The following WDR59 variants were observed in gnomAD, a reference collection of about 807,000 sequenced individuals.
The protein encoded by WDR59 is GATOR2 complex protein WDR59.
In WDR59, 100 loss-of-function variants were observed where a neutral mutation model predicts 131.2. The ratio of observed to expected loss-of-function variants is 0.76; its 90% CI spans 0.65 to 0.90. WDR59 has a LOEUF of 0.90. Ranked by LOEUF, WDR59 falls within the 40% of genes least tolerant of loss-of-function variation. The pLI, the probability that WDR59 is intolerant of heterozygous loss-of-function variation, is 0.00. For synonymous variants in WDR59, 601 were observed against 466.2 expected (o/e 1.29, Z -3.72); for missense variants, 1,203 against 1,262.2 (o/e 0.95, Z 0.71).
At chr16:74,945,293 A>C (rs370495341) in intron 6 of WDR59, among the ~76,000 whole-genome samples, 1 of 151,150 alleles carries the variant, frequency 6.6e-6, no homozygotes, top group South Asian at 2.1e-4. Flanking sequence ...TGGCTAACAC[A>C]GTGAAACCCT....
At chr16:74,943,265 C>T (rs1423945180) in intron 6 of WDR59, among the ~76,000 whole-genome samples, 1 of 148,746 alleles carries the variant, frequency 6.7e-6, no homozygotes, top group Non-Finnish European at 1.5e-5. Context: ...AATTGTTGAG[C>T]AATAGTCTTA....
chr16:74,944,744 C>G (rs2032487339), intron 6 of WDR59, among the ~76,000 whole-genome samples: 3 of 151,868 alleles, frequency 2.0e-5, no homozygotes, highest in Admixed American at 2.0e-4. Flanking sequence ...CACTGAGAAA[C>G]CTCACTGAGT....
intron 10 of WDR59, among the ~76,000 whole-genome samples, chr16:74,920,052 G>C (rs986438736): frequency 1.4e-5 from 2 of 141,954 alleles, no homozygotes; most frequent in African/African-American, 5.1e-5. Context: ...CTGGGTGACA[G>C]AGCGAGACCC....
At chr16:74,982,164 A>G (rs559692571) in intron 1 of WDR59, among the ~76,000 whole-genome samples, 1 of 151,180 alleles carries the variant, frequency 6.6e-6, no homozygotes, top group Non-Finnish European at 1.5e-5. Context: ...ATTATTATTT[A>G]AAAGATGTGG....
intron 11 of WDR59, among the ~76,000 whole-genome samples, chr16:74,917,644 A>G (rs1966453449): frequency 6.6e-6 from 1 of 151,950 alleles, no homozygotes; most frequent in East Asian, 1.9e-4. Flanking sequence ...CCCCGTCTCT[A>G]CTAAAAATAC....
intron 1 of WDR59, among the ~76,000 whole-genome samples, chr16:74,980,528 A>G (rs192259327): frequency 1.3e-5 from 2 of 151,568 alleles, no homozygotes; most frequent in African/African-American, 4.8e-5. Context: ...TAATTTTTGT[A>G]TTTTTAGTAG....
chr16:74,953,625 A>G (rs1269006536), intron 3 of WDR59, among the ~76,000 whole-genome samples: 1 of 152,200 alleles, frequency 6.6e-6, no homozygotes, highest in African/African-American at 2.4e-5. Flanking sequence ...CAAATCATAC[A>G]TCTGATAAAG....
intron 20 of WDR59, 140 bp from the exon 21 acceptor site, chr16:74,889,955 G>C (rs1053473776): frequency 1.0e-5 from 6 of 600,094 alleles, no homozygotes; most frequent in Non-Finnish European, 1.7e-5. Flanking sequence ...TTATTGAAAT[G>C]CATAAGTTTA....
intron 25 of WDR59, among the ~76,000 whole-genome samples, chr16:74,874,698 T>C (rs1450766119): frequency 1.3e-5 from 2 of 152,176 alleles, no homozygotes; most frequent in Non-Finnish European, 2.9e-5. Flanking sequence ...CGGATTCAAG[T>C]GTCCTGCCTC....
chr16:74,885,475 A>AAAAAT (rs1279382226), intron 25 of WDR59, among the ~76,000 whole-genome samples, 178 bp downstream of exon 25: 2 of 148,496 alleles, frequency 1.3e-5, no homozygotes, highest in East Asian at 1.9e-4. Context: ...AAAAAAAAAA[A>AAAAAT]TTCATCCTGT....
chr16:74,983,302 G>T (rs991548720), intron 1 of WDR59, among the ~76,000 whole-genome samples: 2 of 151,884 alleles, frequency 1.3e-5, no homozygotes, highest in Non-Finnish European at 2.9e-5. Flanking sequence ...GCGAAACCCC[G>T]TCTCTACAAA....
intron 9 of WDR59, 33 bp downstream of exon 9, chr16:74,923,893 G>A (rs759657837): frequency 2.5e-6 from 4 of 1,595,162 alleles, no homozygotes; most frequent in Non-Finnish European, 3.4e-6. Flanking sequence ...CCAAAAAGAA[G>A]TTTCTTATCA....
intron 18 of WDR59, among the ~76,000 whole-genome samples, chr16:74,897,463 T>C (rs1965352185): frequency 6.6e-6 from 1 of 152,260 alleles, no homozygotes; most frequent in South Asian, 2.1e-4. Flanking sequence ...CCATACTTGA[T>C]GCAAATATAG....
In WDR59 at chr16:74,879,497, A is replaced by G. The variant is rs528106593; in HGVS notation, c.2690-5053T>C. Among the ~76,000 whole-genome samples, 3 of 152,350 alleles carry G rather than the reference A, an allele frequency of 2.0e-5. No homozygotes were observed. In the East Asian group the frequency reaches 5.8e-4, roughly 29 times the overall value. ...CTTCAGTCAAAGTAGATGGGTAGAG[A>G]ATCCAAGACAATTAGAACAAGAATT... On this transcript the variant is annotated intron_variant, in intron 25 of 25. Coordinates refer to ENST00000262144, the MANE Select transcript of WDR59 (RefSeq NM_030581.4).
At chr16:74,963,439 G>A (rs974916715) in intron 2 of WDR59, among the ~76,000 whole-genome samples, 6 of 152,142 alleles carry the variant, frequency 3.9e-5, no homozygotes, top group African/African-American at 1.4e-4. Flanking sequence ...GTACTTTGCA[G>A]GGACATGGAT....
chr16:74,945,064 C>T (rs182954637), intron 6 of WDR59, among the ~76,000 whole-genome samples: 152 of 151,488 alleles, frequency 1.0e-3, no homozygotes, highest in African/African-American at 2.7e-3. Context: ...GCGGAGGTTG[C>T]GGTGAGCCAA....
At chr16:74,970,371 G>A (rs1356527877) in intron 1 of WDR59, among the ~76,000 whole-genome samples, 2 of 151,450 alleles carry the variant, frequency 1.3e-5, no homozygotes, top group Non-Finnish European at 2.9e-5. Context: ...TATCTTCTAA[G>A]TCCCAAGACA....
intron 6 of WDR59, among the ~76,000 whole-genome samples, chr16:74,945,508 G>T (rs1041471918): frequency 1.3e-5 from 2 of 151,830 alleles, no homozygotes; most frequent in East Asian, 1.9e-4. Context: ...ACCTATAAAT[G>T]TAAGTAACAA....
At chr16:74,903,073 G>C (rs1193296170) in intron 18 of WDR59, among the ~76,000 whole-genome samples, 3 of 152,204 alleles carry the variant, frequency 2.0e-5, no homozygotes, top group Non-Finnish European at 1.5e-5. Flanking sequence ...AAGAAGGTTG[G>C]ACATTCTACT....
Sources: gnomAD v4.1 joint callset for allele counts (sites outside exome capture counted in the v4.1 genomes callset) on GRCh38, gnomAD v4.1.1 for gene constraint, MANE v1.5 for transcripts, NCBI Gene and HGNC (gene_info 2026-07-23, HGNC 2026-07-21) for gene names.